Variants in RBM17 observed in about 807,000 individuals in gnomAD.
The protein encoded by RBM17 is RNA binding motif protein 17.
Under a neutral mutation model 53.2 loss-of-function variants are expected in RBM17, and 7 were observed. The ratio of observed to expected loss-of-function variants is 0.13; its 90% CI spans 0.07 to 0.25. The LOEUF (loss-of-function observed/expected upper bound fraction) is 0.25. Among genes scored for constraint, RBM17 ranks in the 10% least tolerant of loss-of-function variants. RBM17 has a pLI of 1.00. For missense variants in RBM17, 257 were observed against 496.7 expected, an observed-to-expected ratio of 0.52 and a Z score of 4.59; for synonymous variants, 167 against 178.1, an observed-to-expected ratio of 0.94 and a Z score of 0.50.
At position 6,115,318 on chromosome 10, in the gene RBM17, G is replaced by A; in HGVS notation, c.1102+7G>A. The A allele has an allele frequency of 1.2e-6, 2 of 1,603,626 alleles. No homozygotes were observed. Among genetic ancestry groups the A allele is most frequent in the Non-Finnish European group, 1.7e-6 (2 of 1,171,044 alleles). Reference sequence around the variant, plus strand: ...GTTGAATCAGCAATTAAAGGTTAGTGGTACAGCTAAATATTAAAGAATAAA... The same window carrying A: ...GTTGAATCAGCAATTAAAGGTTAGTAGTACAGCTAAATATTAAAGAATAAA... On this transcript the variant is annotated splice_region_variant and intron_variant, in intron 11 of 11. Coordinates refer to ENST00000379888, the MANE Select transcript of RBM17 (RefSeq NM_032905.5).
chr10:6,092,229 G>A (rs927243714), intron 1 of RBM17, among the ~76,000 whole-genome samples: 1 of 152,156 alleles, frequency 6.6e-6, no homozygotes, highest in Non-Finnish European at 1.5e-5. Context: ...ACAGCTTTTT[G>A]TTACCTGGCA....
chr10:6,102,827 G>A (rs773355277), intron 3 of RBM17, among the ~76,000 whole-genome samples: 1 of 152,088 alleles, frequency 6.6e-6, no homozygotes, highest in Non-Finnish European at 1.5e-5. Flanking sequence ...TTGAGACAGG[G>A]TCTTGCTCTG....
Position 6,115,290 on chromosome 10 carries a change from A to G in RBM17, c.1081A>G (p.Arg361Gly). The change falls in exon 11 of 12, where the codon AGA becomes GGA. Residue 361 changes from arginine to glycine, a missense_variant. By Grantham distance (125) the Arg-to-Gly change is moderately radical. This residue lies in a region of RBM17 where 49 missense variants were observed against 114.8 expected (regional missense o/e 0.43). Transcript: ENST00000379888. ...AGTACGGATATTTTTAGAATTTGAG[A>G]GAGTTGAATCAGCAATTAAAGGTTA... ...EAVRIFLEFE[R>G]VESAIKAVVD... The G allele has an allele frequency of 6.2e-7, 1 of 1,613,580 alleles. No homozygotes were observed. Among genetic ancestry groups the G allele is most frequent in the Non-Finnish European group, 8.5e-7 (1 of 1,179,628 alleles).
intron 2 of RBM17, 83 bp downstream of exon 2, chr10:6,097,271 G>A: frequency 7.1e-7 from 1 of 1,411,608 alleles, no homozygotes; most frequent in Non-Finnish European, 9.9e-7. Context: ...GTTTCAGCTT[G>A]CTCTTCTGCC....
At position 6,115,246 on chromosome 10, in the gene RBM17, G is replaced by C; in HGVS notation, c.1037G>C (p.Gly346Ala). 1 of 1,612,488 alleles carries C rather than the reference G, an allele frequency of 6.2e-7. No homozygotes were observed. Among genetic ancestry groups the C allele is most frequent in the East Asian group, 2.2e-5 (1 of 44,870 alleles). ...VGKCVIFEIP[G>A]APDDEAVRIF... ...GCTCTCATTTTCTTCCAGATTCCTGGTGCCCCTGATGATGAAGCAGTACGG... is the reference window on the plus strand; with the variant it reads ...GCTCTCATTTTCTTCCAGATTCCTGCTGCCCCTGATGATGAAGCAGTACGG... Residue 346 changes from glycine (G) to alanine (A), a missense_variant, in exon 11 of 12, where the codon GGT (glycine) becomes GCT (alanine). Coordinates refer to ENST00000379888, the MANE Select transcript of RBM17 (RefSeq NM_032905.5).
intron 3 of RBM17, among the ~76,000 whole-genome samples, chr10:6,104,517 G>A (rs1840718314): frequency 6.6e-6 from 1 of 152,184 alleles, no homozygotes; most frequent in Admixed American, 6.5e-5. Flanking sequence ...CTGTTAAAAT[G>A]ATGACTGCAA....
At chr10:6,113,969 C>T (rs573295609) in intron 9 of RBM17, 80 bp from the exon 10 acceptor site, 10 of 893,922 alleles carry the variant, frequency 1.1e-5, no homozygotes, top group Non-Finnish European at 1.8e-5. Flanking sequence ...TTTACCATCA[C>T]TAAGTCATAT....
At position 6,114,154 on chromosome 10, in the gene RBM17, G is replaced by C. The variant is rs1161599903; in HGVS notation, c.1029+7G>C. 2 of 1,538,952 alleles carry C rather than the reference G, an allele frequency of 1.3e-6. No homozygotes were observed. The highest frequency in any genetic ancestry group is 1.8e-6 in the Non-Finnish European group (2 of 1,113,114). On this transcript the variant is annotated splice_region_variant and intron_variant, in intron 10 of 11. Transcript: ENST00000379888. ...AAAATGTGTGATATTTGAAGTAAGA[G>C]TGTTTTCTTTTGATGTTTATAACAC...
chr10:6,108,848 G>T, intron 6 of RBM17, 106 bp downstream of exon 6: 1 of 745,528 alleles, frequency 1.3e-6, no homozygotes, highest in Non-Finnish European at 2.2e-6. Context: ...GAGGGAAACG[G>T]CCTGCAAGCC....
chr10:6,104,392 G>A (rs781175028), intron 3 of RBM17, among the ~76,000 whole-genome samples: 5 of 152,194 alleles, frequency 3.3e-5, no homozygotes, highest in Non-Finnish European at 7.3e-5. Context: ...CTCAGTGCCT[G>A]AAATGCAGCC....
chr10:6,101,430 C>A, intron 3 of RBM17, 43 bp downstream of exon 3: 3 of 1,310,632 alleles, frequency 2.3e-6, no homozygotes, highest in South Asian at 1.2e-5. Context: ...TGTCTCTGTT[C>A]CCATGTGGCT....
chr10:6,096,044 C>T (rs550439385), intron 1 of RBM17, among the ~76,000 whole-genome samples: 6 of 152,284 alleles, frequency 3.9e-5, no homozygotes, highest in South Asian at 4.1e-4. Flanking sequence ...ACTTATTTGT[C>T]CATAAACTGG....
chr10:6,097,059 A>G lies in RBM17; in HGVS notation c.-7A>G, dbSNP rs956534672. The G allele has an allele frequency of 6.2e-7, 1 of 1,612,308 alleles. No individual in the cohort carries two copies. ...CTTTTGCCTTTCAGCATTAAACTGA[A>G]GAAAAGATGTCCCTGTACGATGACC... On this transcript the variant is annotated 5_prime_UTR_variant, in exon 2 of 12. Coordinates refer to ENST00000379888, the MANE Select transcript of RBM17 (RefSeq NM_032905.5).
At chr10:6,101,517 C>T (rs1417194401) in intron 3 of RBM17, 130 bp downstream of exon 3, 1 of 444,182 alleles carries the variant, frequency 2.3e-6, no homozygotes. Flanking sequence ...CATTTTCCAC[C>T]TAATTTTTAC....
chr10:6,107,666 G>C (rs186688392), intron 5 of RBM17, among the ~76,000 whole-genome samples: 6 of 151,678 alleles, frequency 4.0e-5, no homozygotes, highest in African/African-American at 1.2e-4. Context: ...ATTTTTAGTA[G>C]AGATGGGGTT....
At chr10:6,108,779 C>CAGGTCTTT (rs1359807407) in intron 6 of RBM17, 37 bp downstream of exon 6, 1 of 1,540,512 alleles carries the variant, frequency 6.5e-7, no homozygotes, top group Non-Finnish European at 9.0e-7. Context: ...TATTCTGATA[C>CAGGTCTTT]AGGTCTTTAA....
intron 2 of RBM17, among the ~76,000 whole-genome samples, chr10:6,098,061 TA>T (rs1371917852): frequency 9.2e-6 from 1 of 109,106 alleles, no homozygotes; most frequent in Non-Finnish European, 2.0e-5. Context: ...AAATAACATG[TA>T]AAACATTAAA....
Position 6,112,985 on chromosome 10 carries a change from T to C in RBM17, c.857-523T>C, listed in dbSNP as rs1018739280. On this transcript the variant is annotated intron_variant, in intron 8 of 11. Transcript: ENST00000379888. This position sits in a 1 kb window ranked among gnomAD's most constrained non-coding sequence, Gnocchi z 4.4. ...GGAATTAAGTTTGAGTCAGCCTAGC[T>C]GAACTTCCTTTGCTAAAGAAAGAAG... The C allele has an allele frequency of 6.0e-6, 1 of 167,666 alleles. No homozygotes were observed. Among genetic ancestry groups the C allele is most frequent in the Non-Finnish European group, 1.3e-5 (1 of 75,874 alleles). The allele number at this position is 167,666 out of a possible 1,614,324, so 10.4% of individuals were successfully genotyped here. A position where few individuals can be genotyped will look rare whatever the true frequency, so the allele number is the denominator to read the frequency against.
chr10:6,096,174 A>G (rs1564565497), intron 1 of RBM17, among the ~76,000 whole-genome samples: 1 of 152,100 alleles, frequency 6.6e-6, no homozygotes, highest in African/African-American at 2.4e-5. Context: ...GGGTTTCAGA[A>G]TGTTGATTTT....
Sources: gnomAD v4.1 joint callset for allele counts (sites outside exome capture counted in the v4.1 genomes callset) on GRCh38, gnomAD v4.1.1 for gene constraint, gnomAD v4.1.1 regional missense constraint, Gnocchi (gnomAD v3.1) non-coding constraint, MANE v1.5 for transcripts, NCBI Gene and HGNC (gene_info 2026-07-23, HGNC 2026-07-21) for gene names.